POR: variants seen among roughly 807,000 people sequenced by gnomAD.
POR encodes the protein cytochrome p450 oxidoreductase, also known as NADPH--cytochrome P450 reductase.
Under a neutral mutation model 84.0 loss-of-function variants are expected in POR, and 56 were observed. The observed-to-expected ratio is 0.67, with a 90% CI of 0.54 to 0.83. POR has a LOEUF of 0.83. Among genes scored for constraint, POR ranks in the 40% least tolerant of loss-of-function variants. POR has a pLI of 0.00. For synonymous variants in POR, 414 were observed against 400.5 expected (o/e 1.03, Z -0.40); for missense variants, 938 against 944.3 (o/e 0.99, Z 0.09).
intron 1 of POR, chr7:75,923,576 A>G (rs1217464350): frequency 2.9e-6 from 1 of 343,336 alleles, no homozygotes; most frequent in Non-Finnish European, 5.5e-6. Flanking sequence ...CAAAAACTGT[A>G]AAGGAAGGGT....
At position 75,982,313 on chromosome 7, in the gene POR, A is replaced by G; in HGVS notation, c.821A>G (p.Asn274Ser). ...ATGGGCCGGCTGAAGAGCTACGAGAACCAGAAGCCGTGAGTGGAGGGAGCG... is the reference window on the plus strand; with the variant it reads ...ATGGGCCGGCTGAAGAGCTACGAGAGCCAGAAGCCGTGAGTGGAGGGAGCG... The change falls in exon 8 of 16, where the codon AAC (asparagine) becomes AGC (serine). Residue 274 changes from asparagine to serine, a missense_variant. Transcript: ENST00000461988. The G allele has an allele frequency of 6.2e-7, 1 of 1,611,238 alleles. No homozygotes were observed. The highest frequency in any genetic ancestry group is 8.5e-7 in the Non-Finnish European group (1 of 1,178,882).
chr7:75,917,160 A>G (rs1270610831), intron 1 of POR, among the ~76,000 whole-genome samples: 1 of 151,824 alleles, frequency 6.6e-6, no homozygotes, highest in Non-Finnish European at 1.5e-5. Context: ...CTCAACCTCC[A>G]GGATTCAAGC....
chr7:75,942,984 C>T (rs1787003938), intron 1 of POR, among the ~76,000 whole-genome samples: 2 of 150,098 alleles, frequency 1.3e-5, no homozygotes, highest in South Asian at 4.2e-4. Context: ...TGGAGTCTTG[C>T]TCTGTCACCC....
intron 1 of POR, among the ~76,000 whole-genome samples, chr7:75,928,647 C>T (rs1175759605): frequency 2.0e-5 from 3 of 152,186 alleles, no homozygotes; most frequent in African/African-American, 7.2e-5. Flanking sequence ...GCGGAGTCAC[C>T]CTGCCCACAC....
At chr7:75,948,552 A>C (rs1787279461) in intron 1 of POR, among the ~76,000 whole-genome samples, 1 of 152,238 alleles carries the variant, frequency 6.6e-6, no homozygotes, top group Non-Finnish European at 1.5e-5. Flanking sequence ...GACAGGCAGC[A>C]TGAAGAGGAG....
intron 2 of POR, among the ~76,000 whole-genome samples, chr7:75,961,776 G>A (rs545039587): frequency 2.3e-3 from 346 of 152,370 alleles, no homozygotes; most frequent in African/African-American, 8.1e-3. Flanking sequence ...CACTTCGGGA[G>A]GCTGAGGCAG....
rs782200489 is a variant in POR at position 75,983,826 on chromosome 7, G to T, written c.1036G>T (p.Asp346Tyr). ...GGGCAAAATCCTGGGTGCCGACCTGGACGTCGTCATGTCCCTGAACAACCT... is the reference window on the plus strand; with the variant it reads ...GGGCAAAATCCTGGGTGCCGACCTGTACGTCGTCATGTCCCTGAACAACCT... Residue 346 changes from aspartate to tyrosine, a missense_variant, in exon 10 of 16, where the codon GAC (aspartate) becomes TAC (tyrosine). By Grantham distance (160) the Asp-to-Tyr change is radical. Coordinates refer to ENST00000461988, the MANE Select transcript of POR (RefSeq NM_000941.3). The T allele has an allele frequency of 2.5e-6, 4 of 1,611,262 alleles. No individual in the cohort carries two copies. The highest frequency in any genetic ancestry group is 3.4e-6 in the Non-Finnish European group (4 of 1,179,210).
chr7:75,949,862 C>CT lies in POR; in HGVS notation c.-4-4113dup, dbSNP rs1246278311. Among the ~76,000 whole-genome samples the CT allele has an allele frequency of 7.6e-3, 1,065 of 139,824 alleles. 6 individuals are homozygous for CT. Among genetic ancestry groups the CT allele is most frequent in the African/African-American group, 0.021 (789 of 38,414 alleles). The allele number at this position is 139,824 out of a possible 152,430, so 91.7% of individuals were successfully genotyped here. ...CAGGGAGGGGACATGACCTGACTTA[C>CT]TTTTTTTTTTTTTTGAGATGGAATC... is the stretch of plus-strand genomic sequence containing the variant. On this transcript the variant is annotated intron_variant, in intron 1 of 15. Coordinates refer to ENST00000461988, the MANE Select transcript of POR (RefSeq NM_000941.3).
In POR at chr7:75,986,520, G is replaced by A. The variant is rs782208417; in HGVS notation, c.*39G>A. ...CCACCCACCCCACAGACTCCGGCCTGTAATCAGCTCTCCTGGCTCCCTCCC... is the reference window on the plus strand; with the variant it reads ...CCACCCACCCCACAGACTCCGGCCTATAATCAGCTCTCCTGGCTCCCTCCC... On this transcript the variant is annotated 3_prime_UTR_variant, in exon 16 of 16. Transcript: ENST00000461988. The A allele has an allele frequency of 8.2e-6, 13 of 1,593,602 alleles. No individual in the cohort carries two copies. Among genetic ancestry groups the A allele is most frequent in the Admixed American group, 3.4e-5 (2 of 58,724 alleles).
Position 75,981,028 on chromosome 7 carries a change from C to T in POR, c.517-20C>T, listed in dbSNP as rs200924788. On this transcript the variant is annotated intron_variant, in intron 5 of 15. Coordinates refer to ENST00000461988, the MANE Select transcript of POR (RefSeq NM_000941.3). The stretch of plus-strand genomic sequence containing the variant: ...TCAGGTCGAGGGCCAGGCCTCAGAG[C>T]GGCCCCTGTGTCCACGCAGGTGTTT... The T allele has an allele frequency of 8.4e-5, 130 of 1,551,920 alleles. No individual in the cohort carries two copies. In the Admixed American group the frequency reaches 1.1e-3, roughly 13 times the overall value.
rs782697310 is a variant in POR, at chr7:75,985,681, G to A, written c.1501G>A (p.Glu501Lys). ...GGCCACCAACTGGCTGCGGGCCAAG[G>A]AGCCTGCCGGGGAGAACGGCGGCCG... Residue 501 changes from glutamate (E) to lysine (K), a missense_variant, in exon 13 of 16, where the codon GAG becomes AAG. By Grantham distance (56) the Glu-to-Lys change is moderately conservative (BLOSUM62 1). Transcript: ENST00000461988. The A allele has an allele frequency of 6.6e-5, 106 of 1,594,288 alleles. No homozygotes were observed. The highest frequency in any genetic ancestry group is 8.5e-5 in the Non-Finnish European group (100 of 1,171,900).
At chr7:75,964,453 GCCT>G (rs1788087299) in intron 2 of POR, among the ~76,000 whole-genome samples, 1 of 151,934 alleles carries the variant, frequency 6.6e-6, no homozygotes, top group Non-Finnish European at 1.5e-5. Flanking sequence ...GATTACAGGC[GCCT>G]GCCACCACAC....
intron 2 of POR, among the ~76,000 whole-genome samples, chr7:75,972,209 G>A (rs1379272679): frequency 2.0e-5 from 3 of 152,028 alleles, no homozygotes; most frequent in African/African-American, 4.8e-5. Flanking sequence ...GAGCTGGTGC[G>A]GGAGGCCTGG....
At chr7:75,978,129 G>A (rs895619168) in intron 3 of POR, among the ~76,000 whole-genome samples, 9 of 152,094 alleles carry the variant, frequency 5.9e-5, no homozygotes, top group African/African-American at 9.7e-5. Context: ...AGGGACCCTC[G>A]GTATATTTCT....
In POR at chr7:75,980,386, CT is replaced by C. The variant is rs1788945121; in HGVS notation, c.415del (p.Cys139AlafsTer118). ...AGATCGACAACGCCCTGGTGGTTTT[CT>C]GCATGGCCACCTACGGTGAGGGAGA... is the stretch of plus-strand genomic sequence containing the variant. On this transcript the variant is annotated frameshift_variant, in exon 5 of 16. Transcript: ENST00000461988. LOFTEE classifies it high-confidence loss of function. 6.2e-7 allele frequency: 1 copy of C among 1,613,190 alleles called. No individual in the cohort carries two copies. The highest frequency in any genetic ancestry group is 8.5e-7 in the Non-Finnish European group (1 of 1,179,886).
chr7:75,984,760 C>G lies in POR; in HGVS notation c.1067-17C>G. The G allele has an allele frequency of 6.2e-7, 1 of 1,611,578 alleles. No homozygotes were observed. The highest frequency in any genetic ancestry group is 2.2e-5 in the East Asian group (1 of 44,848). The stretch of plus-strand genomic sequence containing the variant: ...GGCGGCCGCCTACCCCAAGTCCTGC[C>G]TGTCTCTTCCCTGCAGAGGAGTCCA... On this transcript the variant is annotated splice_polypyrimidine_tract_variant and intron_variant, in intron 10 of 15. Coordinates refer to ENST00000461988, the MANE Select transcript of POR (RefSeq NM_000941.3).
At chr7:75,930,180 G>C (rs936835441) in intron 1 of POR, among the ~76,000 whole-genome samples, 30 of 152,194 alleles carry the variant, frequency 2.0e-4, no homozygotes, top group Non-Finnish European at 3.8e-4. Flanking sequence ...GGTGTTGAGT[G>C]AACGTTGGTT....
At chr7:75,947,459 T>G (rs1554552275) in intron 1 of POR, among the ~76,000 whole-genome samples, 1 of 152,050 alleles carries the variant, frequency 6.6e-6, no homozygotes, top group Non-Finnish European at 1.5e-5. Context: ...CACGCCCAGC[T>G]AATTTTTGTA....
intron 1 of POR, among the ~76,000 whole-genome samples, chr7:75,926,099 C>G (rs1807109576): frequency 7.0e-6 from 1 of 143,486 alleles, no homozygotes; most frequent in Non-Finnish European, 1.5e-5. Context: ...TCACTGCAGT[C>G]TCAAACTCCT....
Sources: gnomAD v4.1 joint callset for allele counts (sites outside exome capture counted in the v4.1 genomes callset) on GRCh38, gnomAD v4.1.1 for gene constraint, MANE v1.5 for transcripts, NCBI Gene and HGNC (gene_info 2026-07-23, HGNC 2026-07-21) for gene names.